The following VPS50 variants were observed in gnomAD, a reference collection of about 807,000 sequenced individuals.
The protein encoded by VPS50 is VPS50 subunit of EARP/GARPII complex.
A neutral mutation model predicts 139.7 loss-of-function variants in VPS50; 70 were observed. The observed-to-expected ratio is 0.50, with a 90% CI of 0.41 to 0.61. The LOEUF is 0.61. Among genes scored for constraint, VPS50 ranks in the 20% least tolerant of loss-of-function variants. The probability of loss-of-function intolerance (pLI) is 0.00; values close to 1 mark genes in which losing one functional copy is unlikely to be tolerated. For synonymous variants in VPS50, 365 were observed against 376.7 expected, an observed-to-expected ratio of 0.97 and a Z score of 0.36; for missense variants, 921 against 1,133.7, an observed-to-expected ratio of 0.81 and a Z score of 2.69.
At position 93,348,656 on chromosome 7, in the gene VPS50, CA is replaced by C. The variant is rs1798471276; in HGVS notation, c.2208-54del. Reference sequence around the variant, plus strand: ...AAAAAATACTTATACGAAAGCATGACAGGCTCTAAATCCTACACAATTTGTT... The same window carrying C: ...AAAAAATACTTATACGAAAGCATGACGGCTCTAAATCCTACACAATTTGTT... On this transcript the variant is annotated intron_variant, in intron 23 of 27. Transcript: ENST00000305866. The C allele has an allele frequency of 4.5e-6, 5 of 1,104,662 alleles. No homozygotes were observed. In the South Asian group the frequency reaches 6.6e-5, roughly 15 times the overall value. The allele number at this position is 1,104,662 out of a possible 1,614,324, so 68.4% of individuals were successfully genotyped here. A position where few individuals can be genotyped will look rare whatever the true frequency, so the allele number is the denominator to read the frequency against.
chr7:93,243,809 G>T (rs1196496672), intron 2 of VPS50, among the ~76,000 whole-genome samples: 3 of 151,864 alleles, frequency 2.0e-5, no homozygotes, highest in Non-Finnish European at 4.4e-5. Flanking sequence ...TGATTAAAAA[G>T]TAAAAATACC....
intron 2 of VPS50, among the ~76,000 whole-genome samples, chr7:93,244,076 T>C (rs1355165124): frequency 6.6e-6 from 1 of 151,868 alleles, no homozygotes; most frequent in Non-Finnish European, 1.5e-5. Flanking sequence ...CCTTTGATTT[T>C]TTTTCGTGAA....
chr7:93,263,629 T>C (rs1201450610), intron 9 of VPS50, among the ~76,000 whole-genome samples: 1 of 152,130 alleles, frequency 6.6e-6, no homozygotes, highest in Non-Finnish European at 1.5e-5. Flanking sequence ...ATAGCTGAGA[T>C]GGAAAAACTT....
intron 9 of VPS50, among the ~76,000 whole-genome samples, chr7:93,264,265 A>G (rs1795773872): frequency 6.6e-6 from 1 of 152,344 alleles, no homozygotes; most frequent in Admixed American, 6.5e-5. Context: ...AACTGAGAGA[A>G]CATTTTTACA....
intron 12 of VPS50, 117 bp downstream of exon 12, chr7:93,276,422 C>T (rs914769369): frequency 3.8e-6 from 5 of 1,332,088 alleles, no homozygotes; most frequent in Non-Finnish European, 4.9e-6. Flanking sequence ...TAAATCTTTG[C>T]CAAAAATTTT....
chr7:93,264,534 C>A (rs1452812205), intron 9 of VPS50, among the ~76,000 whole-genome samples: 1 of 152,192 alleles, frequency 6.6e-6, no homozygotes, highest in African/African-American at 2.4e-5. Flanking sequence ...GGTTTGCATA[C>A]TGCTGAACTA....
At position 93,323,306 on chromosome 7, in the gene VPS50, A is replaced by T. The variant is rs1482252778; in HGVS notation, c.1856-305A>T. On this transcript the variant is annotated intron_variant, in intron 20 of 27. Coordinates refer to ENST00000305866, the MANE Select transcript of VPS50 (RefSeq NM_017667.4). ...AGTGTCAGTTGTAGAAGAGTGTAGG[A>T]GTTCCATAAAAATTTGGGAAACAGT... 3.3e-5 allele frequency: 5 copies of T among 153,244 alleles called. No individual in the cohort carries two copies. The East Asian group carries it at 9.5e-4, about 29-fold the overall frequency. The allele number at this position is 153,244 out of a possible 1,614,324, so 9.5% of individuals were successfully genotyped here.
chr7:93,239,286 A>G (rs1271506257), intron 1 of VPS50, among the ~76,000 whole-genome samples: 1 of 152,176 alleles, frequency 6.6e-6, no homozygotes, highest in African/African-American at 2.4e-5. Flanking sequence ...AGCTTTCAGA[A>G]TCCCTCAGTT....
Position 93,265,595 on chromosome 7 carries a change from C to T in VPS50, c.660-5625C>T, listed in dbSNP as rs186271172. Reference sequence around the variant, plus strand: ...CTTTCTTTTTTTGGAGACAGAGTCTCACTGTGTCACCCAGGCTGGAGTGCA... The same window carrying T: ...CTTTCTTTTTTTGGAGACAGAGTCTTACTGTGTCACCCAGGCTGGAGTGCA... On this transcript the variant is annotated intron_variant, in intron 9 of 27. Transcript: ENST00000305866. 5.1e-4 allele frequency among the ~76,000 whole-genome samples: 78 copies of T among 152,096 alleles called. 1 individual carries two copies. The highest frequency in any genetic ancestry group is 1.7e-3 in the African/African-American group (71 of 41,508).
At chr7:93,346,481 G>A (rs1319355677) in intron 23 of VPS50, among the ~76,000 whole-genome samples, 1 of 152,126 alleles carries the variant, frequency 6.6e-6, no homozygotes, top group Admixed American at 6.5e-5. Context: ...CTACTTTAAA[G>A]TTCATATGGA....
intron 9 of VPS50, among the ~76,000 whole-genome samples, chr7:93,265,263 T>C (rs149383332): frequency 1.3e-5 from 2 of 152,348 alleles, no homozygotes; most frequent in East Asian, 1.9e-4. Flanking sequence ...AACTCTAGCA[T>C]GGGCTTGGCA....
chr7:93,319,966 ATTTAATTATTATATTTCTT>A (rs1797552180), intron 20 of VPS50, among the ~76,000 whole-genome samples: 1 of 151,960 alleles, frequency 6.6e-6, no homozygotes, highest in Admixed American at 6.6e-5. Flanking sequence ...TTACTGAGAA[ATTTAATTATTATATTTCTT>A]TTTAGCTTGA....
chr7:93,294,386 A>C (rs1017418744), intron 13 of VPS50, among the ~76,000 whole-genome samples, 159 bp from the exon 14 acceptor site: 2 of 152,178 alleles, frequency 1.3e-5, no homozygotes, highest in African/African-American at 2.4e-5. Context: ...GTTTAAGTCT[A>C]ATACCTATTG....
intron 21 of VPS50, among the ~76,000 whole-genome samples, chr7:93,325,590 A>C (rs1378131335): frequency 1.3e-5 from 2 of 152,092 alleles, no homozygotes; most frequent in Non-Finnish European, 2.9e-5. Context: ...CAATGAACTC[A>C]AACAAGTTTG....
intron 21 of VPS50, among the ~76,000 whole-genome samples, chr7:93,332,533 A>G (rs1300380755): frequency 6.6e-6 from 1 of 152,248 alleles, no homozygotes; most frequent in Non-Finnish European, 1.5e-5. Flanking sequence ...AAAACAGTAC[A>G]GCTACTTTAG....
intron 14 of VPS50, among the ~76,000 whole-genome samples, chr7:93,296,433 A>T (rs1180331268): frequency 3.9e-5 from 6 of 152,176 alleles, no homozygotes; most frequent in Admixed American, 3.9e-4. Context: ...CCTTAAGTGT[A>T]CTTTGGTAAA....
intron 1 of VPS50, among the ~76,000 whole-genome samples, chr7:93,237,665 T>C (rs982310589): frequency 3.9e-5 from 6 of 152,226 alleles, no homozygotes; most frequent in Non-Finnish European, 7.3e-5. Flanking sequence ...CGATTTACTA[T>C]GGTTTCACTT....
At chr7:93,246,914 A>G (rs1002610405) in intron 2 of VPS50, among the ~76,000 whole-genome samples, 5 of 151,928 alleles carry the variant, frequency 3.3e-5, no homozygotes, top group African/African-American at 1.2e-4. Context: ...TGTTTTACAT[A>G]GCTGAATCCC....
chr7:93,325,325 T>G (rs1284898253), intron 21 of VPS50, among the ~76,000 whole-genome samples: 1 of 152,134 alleles, frequency 6.6e-6, no homozygotes, highest in East Asian at 1.9e-4. Context: ...ACTTAAATGT[T>G]AGACCTAAAA....
Sources: allele counts gnomAD v4.1 joint callset (sites outside exome capture counted in the v4.1 genomes callset), GRCh38; gene constraint gnomAD v4.1.1; transcripts MANE v1.5; gene names NCBI Gene and HGNC (gene_info 2026-07-23, HGNC 2026-07-21).